ZBTB7C: variants seen among roughly 807,000 people sequenced by gnomAD.
The protein encoded by ZBTB7C is zinc finger and BTB domain containing 7C.
A neutral mutation model predicts 25.7 loss-of-function variants in ZBTB7C; 8 were observed. The ratio of observed to expected loss-of-function variants is 0.31; its 90% CI spans 0.18 to 0.56. ZBTB7C has a LOEUF of 0.56. Ranked by LOEUF, ZBTB7C falls within the 20% of genes least tolerant of loss-of-function variation. ZBTB7C has a pLI of 0.91. For missense variants in ZBTB7C, 824 were observed against 855.2 expected, an observed-to-expected ratio of 0.96 and a Z score of 0.46; for synonymous variants, 394 against 369.0, an observed-to-expected ratio of 1.07 and a Z score of -0.78.
At position 48,198,136 on chromosome 18, in the gene ZBTB7C, C is replaced by T. The variant is rs1263335664; in HGVS notation, c.-78-12141G>A. On this transcript the variant is annotated intron_variant, in intron 2 of 4. Transcript: ENST00000590800. ...ACAATGGCTTTATATGCACTTAACTCTTATTTACACATAAACTGACTTCCA... is the reference window on the plus strand; with the variant it reads ...ACAATGGCTTTATATGCACTTAACTTTTATTTACACATAAACTGACTTCCA... Among the ~76,000 whole-genome samples the T allele has an allele frequency of 2.0e-5, 3 of 152,200 alleles. No individual in the cohort carries two copies. The South Asian group carries it at 6.2e-4, about 32-fold the overall frequency.
At chr18:48,122,532 T>C (rs905198497) in intron 3 of ZBTB7C, among the ~76,000 whole-genome samples, 2 of 152,184 alleles carry the variant, frequency 1.3e-5, no homozygotes, top group African/African-American at 2.4e-5. Flanking sequence ...TGGTGCCAGA[T>C]GGTTGCAGCC....
intron 2 of ZBTB7C, among the ~76,000 whole-genome samples, chr18:48,234,495 T>A (rs527786133): frequency 5.1e-4 from 77 of 152,350 alleles, no homozygotes; most frequent in African/African-American, 1.8e-3. Flanking sequence ...TATGCCTATA[T>A]AAGTACATGT....
chr18:48,063,974 GTCC>G (rs2037223756), intron 3 of ZBTB7C, among the ~76,000 whole-genome samples: 1 of 152,060 alleles, frequency 6.6e-6, no homozygotes, highest in African/African-American at 2.4e-5. Flanking sequence ...TGGCAATCCA[GTCC>G]TCCTCCTAAG....
At chr18:48,154,677 GT>G (rs1016227563) in intron 3 of ZBTB7C, among the ~76,000 whole-genome samples, 1 of 152,146 alleles carries the variant, frequency 6.6e-6, no homozygotes, top group Non-Finnish European at 1.5e-5. Context: ...TATAAAGGCA[GT>G]TTTTTTACCC....
At chr18:48,083,643 T>A (rs1234598159) in intron 3 of ZBTB7C, among the ~76,000 whole-genome samples, 1 of 152,166 alleles carries the variant, frequency 6.6e-6, no homozygotes, top group Non-Finnish European at 1.5e-5. Context: ...AAATCTCTAA[T>A]CACTGAATGC....
chr18:48,143,417 C>G (rs958128227), intron 3 of ZBTB7C, among the ~76,000 whole-genome samples: 1 of 152,184 alleles, frequency 6.6e-6, no homozygotes, highest in African/African-American at 2.4e-5. Flanking sequence ...GAAAAAAATG[C>G]ACTAAGAACC....
intron 2 of ZBTB7C, among the ~76,000 whole-genome samples, chr18:48,286,513 G>A (rs1478833436): frequency 6.6e-6 from 1 of 151,128 alleles, no homozygotes; most frequent in Non-Finnish European, 1.5e-5. Flanking sequence ...TAACTCACCA[G>A]GAAAATATAT....
chr18:48,241,113 G>C (rs1201582996), intron 2 of ZBTB7C, among the ~76,000 whole-genome samples: 1 of 151,652 alleles, frequency 6.6e-6, no homozygotes, highest in African/African-American at 2.4e-5. Context: ...AGAAGGACAA[G>C]ATATAATGAT....
At chr18:48,193,751 C>T (rs1165473200) in intron 2 of ZBTB7C, among the ~76,000 whole-genome samples, 7 of 152,190 alleles carry the variant, frequency 4.6e-5, no homozygotes, top group African/African-American at 1.2e-4. Flanking sequence ...GTGGCAGGCG[C>T]GTGGAGTCAT....
intron 3 of ZBTB7C, among the ~76,000 whole-genome samples, chr18:48,125,511 A>G (rs2039770939): frequency 6.6e-6 from 1 of 152,188 alleles, no homozygotes; most frequent in Non-Finnish European, 1.5e-5. Flanking sequence ...CATGGTGTAA[A>G]TGGCAACTTG....
At chr18:48,112,140 A>C (rs1426246392) in intron 3 of ZBTB7C, among the ~76,000 whole-genome samples, 2 of 152,184 alleles carry the variant, frequency 1.3e-5, no homozygotes, top group African/African-American at 4.8e-5. Flanking sequence ...GATGTGTACA[A>C]ATAGTTGTAC....
rs1213592024 is a variant in ZBTB7C at position 48,040,313 on chromosome 18, A to G, written c.795T>C (p.Gly265=). Residue 265 remains glycine, a synonymous_variant, in exon 4 of 5, where the codon GGT becomes GGC. Coordinates refer to ENST00000590800, the MANE Select transcript of ZBTB7C (RefSeq NM_001318841.2). Reference sequence around the variant, plus strand: ...GCTGCTCAGGCAGCTGGGCAAAGGCACCGAAGTCCCCTGGCCAGAGGTGTG... The same window carrying G: ...GCTGCTCAGGCAGCTGGGCAAAGGCGCCGAAGTCCCCTGGCCAGAGGTGTG... ...FFPHLWPGDF[G]AFAQLPEQPM... is the part of the protein sequence containing the mutation. 6.3e-7 allele frequency: 1 copy of G among 1,584,810 alleles called. No homozygotes were observed. Among genetic ancestry groups the G allele is most frequent in the Non-Finnish European group, 8.6e-7 (1 of 1,167,286 alleles).
At chr18:48,356,342 C>A (rs115785018) in intron 1 of ZBTB7C, among the ~76,000 whole-genome samples, 273 of 152,300 alleles carry the variant, frequency 1.8e-3, no homozygotes, top group African/African-American at 5.9e-3. Context: ...GATGCTTCAG[C>A]GCTCCTCCAA....
chr18:48,145,453 C>T (rs2144856912), intron 3 of ZBTB7C, among the ~76,000 whole-genome samples: 2 of 152,322 alleles, frequency 1.3e-5, no homozygotes, highest in Admixed American at 1.3e-4. Context: ...GATTGCGGGT[C>T]TCAAGGGACT....
intron 3 of ZBTB7C, among the ~76,000 whole-genome samples, chr18:48,171,042 A>T (rs994374398): frequency 1.3e-5 from 2 of 152,218 alleles, no homozygotes; most frequent in Admixed American, 1.3e-4. Context: ...AAAGTGGGGC[A>T]TTAGAATCTG....
intron 1 of ZBTB7C, among the ~76,000 whole-genome samples, chr18:48,341,808 C>T (rs577714503): frequency 6.6e-6 from 1 of 152,208 alleles, no homozygotes; most frequent in Middle Eastern, 3.2e-3. Flanking sequence ...TGAAAGAGCC[C>T]TCAGAGATGG....
At chr18:48,147,119 C>A (rs904629812) in intron 3 of ZBTB7C, among the ~76,000 whole-genome samples, 3 of 152,088 alleles carry the variant, frequency 2.0e-5, no homozygotes, top group African/African-American at 7.2e-5. Flanking sequence ...CTCTTGTCAC[C>A]CAGGCTGGAG....
At chr18:48,152,401 GT>G (rs1460463105) in intron 3 of ZBTB7C, among the ~76,000 whole-genome samples, 2 of 152,130 alleles carry the variant, frequency 1.3e-5, no homozygotes, top group Non-Finnish European at 2.9e-5. Context: ...ATTATATATT[GT>G]TTTACCTATG....
chr18:48,135,105 T>A (rs555628841), intron 3 of ZBTB7C, among the ~76,000 whole-genome samples: 17 of 152,254 alleles, frequency 1.1e-4, no homozygotes, highest in African/African-American at 4.1e-4. Flanking sequence ...TCTCACTTCA[T>A]CCAACCCTTT....
Sources: gnomAD v4.1 joint callset for allele counts (sites outside exome capture counted in the v4.1 genomes callset) on GRCh38, gnomAD v4.1.1 for gene constraint, MANE v1.5 for transcripts, NCBI Gene and HGNC (gene_info 2026-07-23, HGNC 2026-07-21) for gene names.